The following CASK variants were observed in gnomAD, a reference collection of about 807,000 sequenced individuals.
The protein encoded by CASK is calcium/calmodulin dependent serine protein kinase.
Under a neutral mutation model 82.9 loss-of-function variants are expected in CASK, and 4 were observed. The ratio of observed to expected loss-of-function variants is 0.05; its 90% CI spans 0.02 to 0.11. The LOEUF (loss-of-function observed/expected upper bound fraction) is 0.11, where lower values mean the gene tolerates loss of function less well. Among genes scored for constraint, CASK ranks in the 10% least tolerant of loss-of-function variants. CASK has a pLI of 1.00. For missense variants in CASK, 358 were observed against 720.9 expected, an observed-to-expected ratio of 0.50 and a Z score of 5.76; for synonymous variants, 259 against 253.5, an observed-to-expected ratio of 1.02 and a Z score of -0.20.
At chrX:41,865,432 ATCT>A (rs895396302) in intron 1 of CASK, among the ~76,000 whole-genome samples, 7 of 110,346 alleles carry the variant, frequency 6.3e-5, no homozygotes, top group Admixed American at 3.8e-4. Context: ...CTTTCCTGAG[ATCT>A]TCTATCTTTT....
chrX:41,820,577 C>T (rs1413647492), intron 2 of CASK, among the ~76,000 whole-genome samples: 1 of 110,862 alleles, frequency 9.0e-6, no homozygotes, highest in African/African-American at 3.3e-5. Flanking sequence ...GATTTCCATT[C>T]TCCCCAAATT....
chrX:41,630,086 G>A (rs1049263654), intron 9 of CASK, among the ~76,000 whole-genome samples: 7 of 111,901 alleles, frequency 6.3e-5, no homozygotes, highest in Non-Finnish European at 1.3e-4. Flanking sequence ...ACCTAGAAAG[G>A]AGAAGGCAGA....
At chrX:41,727,492 T>C in intron 5 of CASK, 28 of 1,209,209 alleles carry the variant, frequency 2.3e-5, no homozygotes, top group Non-Finnish European at 3.1e-5. Context: ...TAGAAAACTA[T>C]GCATTTACAT....
At chrX:41,535,513 T>C (rs1322419550) in intron 22 of CASK, among the ~76,000 whole-genome samples, 3 of 109,864 alleles carry the variant, frequency 2.7e-5, no homozygotes, top group African/African-American at 6.6e-5. Context: ...GGTGGCATGC[T>C]AGATTCTAAG....
intron 4 of CASK, among the ~76,000 whole-genome samples, chrX:41,743,962 T>C (rs2068640033): frequency 9.2e-6 from 1 of 108,684 alleles, no homozygotes; most frequent in Non-Finnish European, 1.9e-5. Context: ...AATACAAAAA[T>C]TAGCCGGGCA....
intron 12 of CASK, 183 bp from the exon 13 acceptor site, chrX:41,589,775 A>T (rs1194141724): frequency 4.9e-6 from 2 of 405,655 alleles, no homozygotes; most frequent in Non-Finnish European, 8.6e-6. Flanking sequence ...TATGAGTCTT[A>T]TGCATATCTT....
intron 16 of CASK, among the ~76,000 whole-genome samples, chrX:41,563,757 T>A (rs2065267686): frequency 8.9e-6 from 1 of 111,998 alleles, no homozygotes; most frequent in African/African-American, 3.2e-5. Context: ...GGCCTTTTAA[T>A]GTTAAAGAAA....
chrX:41,627,592 A>G (rs2066400365), intron 9 of CASK, among the ~76,000 whole-genome samples: 2 of 111,707 alleles, frequency 1.8e-5, no homozygotes, highest in Non-Finnish European at 3.8e-5. Flanking sequence ...AGTGTCCATT[A>G]TACTACTCTG....
At chrX:41,524,677 T>C (rs758705899) in intron 25 of CASK, 1 of 112,175 alleles carries the variant, frequency 8.9e-6, no homozygotes, top group Admixed American at 9.5e-5. Flanking sequence ...GAAGGGCCTC[T>C]GAGATCCCTT....
chrX:41,915,001 C>A (rs749453775), intron 1 of CASK, among the ~76,000 whole-genome samples: 53 of 111,782 alleles, frequency 4.7e-4, no homozygotes, highest in Non-Finnish European at 8.3e-4. Flanking sequence ...AATTGTTTCT[C>A]TGTTATAGCC....
At chrX:41,787,074 A>G (rs1015580207) in intron 3 of CASK, 104 bp downstream of exon 3, 8 of 566,199 alleles carry the variant, frequency 1.4e-5, no homozygotes, top group African/African-American at 1.1e-4. Context: ...TTCTGAACAG[A>G]TAAGTTCACA....
At position 41,743,640 on chromosome X, in the gene CASK, G is replaced by C. The variant is rs1602557107; in HGVS notation, c.356+1884C>G. 6 of 297,085 alleles carry C rather than the reference G, an allele frequency of 2.0e-5. No individual in the cohort carries two copies. The East Asian group carries it at 2.8e-4, about 14-fold the overall frequency. The allele number at this position is 297,085 out of a possible 1,213,427, so 24.5% of individuals were successfully genotyped here. ...GTCCCTTGCTCTTCAGCCAGAAGGA[G>C]TCAGGGCAATGAATTTGAAGACATT... is the stretch of plus-strand genomic sequence containing the variant. On this transcript the variant is annotated intron_variant, in intron 4 of 26. Coordinates refer to ENST00000378163, the MANE Select transcript of CASK (RefSeq NM_001367721.1).
At chrX:41,765,006 A>C (rs2069083312) in intron 3 of CASK, among the ~76,000 whole-genome samples, 1 of 112,236 alleles carries the variant, frequency 8.9e-6, no homozygotes, top group Admixed American at 9.5e-5. Context: ...GTCTGGCAAA[A>C]AGAGCAAGTA....
intron 5 of CASK, among the ~76,000 whole-genome samples, chrX:41,704,518 T>C (rs1331095687): frequency 7.1e-5 from 8 of 112,016 alleles, no homozygotes. Flanking sequence ...TGCATTAGCA[T>C]ATCTACAGAA....
intron 3 of CASK, among the ~76,000 whole-genome samples, chrX:41,754,159 A>G (rs2068847377): frequency 1.8e-5 from 2 of 111,490 alleles, no homozygotes; most frequent in African/African-American, 6.5e-5. Context: ...GCACTCTGGG[A>G]GGCTGAGGTG....
chrX:41,556,998 G>A (rs757445750), intron 19 of CASK, 34 bp downstream of exon 19: 87 of 1,131,044 alleles, frequency 7.7e-5, no homozygotes, highest in Non-Finnish European at 1.8e-5. Flanking sequence ...CAACAAAATT[G>A]TCACACTTTG....
At chrX:41,893,949 A>T (rs2072224616) in intron 1 of CASK, among the ~76,000 whole-genome samples, 1 of 111,636 alleles carries the variant, frequency 9.0e-6, no homozygotes, top group Non-Finnish European at 1.9e-5. Context: ...GCTACAATAT[A>T]TTATCTAAAA....
rs1323203916 is a variant in CASK at position 41,531,233 on chromosome X, G to C, written c.2318-24C>G. ...ATCTGCAAAGTCGCATGGCACAAGA[G>C]GTTTAAAAGGCTGAGCTGATGAGCT... On this transcript the variant is annotated intron_variant, in intron 24 of 26. Coordinates refer to ENST00000378163, the MANE Select transcript of CASK (RefSeq NM_001367721.1). 5.3e-6 allele frequency: 6 copies of C among 1,126,206 alleles called. No homozygotes were observed. In the South Asian group the frequency reaches 9.1e-5, roughly 17 times the overall value. 92.8% of individuals were successfully genotyped at this position (1,126,206 alleles called of 1,213,427 possible). A position where few individuals can be genotyped will look rare whatever the true frequency, so the allele number is the denominator to read the frequency against.
intron 26 of CASK, among the ~76,000 whole-genome samples, chrX:41,520,903 A>G (rs1355610061): frequency 8.9e-6 from 1 of 112,115 alleles, no homozygotes; most frequent in African/African-American, 3.3e-5. Flanking sequence ...CCCCAGAGTC[A>G]GGCTTGGTAG....
Sources: allele counts gnomAD v4.1 joint callset (sites outside exome capture counted in the v4.1 genomes callset), GRCh38; gene constraint gnomAD v4.1.1; transcripts MANE v1.5; gene names NCBI Gene and HGNC (gene_info 2026-07-23, HGNC 2026-07-21).